The following KANSL1L variants were observed in gnomAD, a reference collection of about 807,000 sequenced individuals.
KANSL1L encodes the protein KAT8 regulatory NSL complex subunit 1 like.
Under a neutral mutation model 108.6 loss-of-function variants are expected in KANSL1L, and 25 were observed. The ratio of observed to expected loss-of-function variants is 0.23; its 90% CI spans 0.17 to 0.32. The LOEUF (loss-of-function observed/expected upper bound fraction) is 0.32. Among genes scored for constraint, KANSL1L ranks in the 10% least tolerant of loss-of-function variants. The pLI is 1.00. For missense variants in KANSL1L, 1,137 were observed against 1,125.7 expected (o/e 1.01, Z -0.14); for synonymous variants, 405 against 395.1 (o/e 1.03, Z -0.30).
chr2:210,026,540 C>T (rs914296739), intron 12 of KANSL1L: 7 of 152,040 alleles, frequency 4.6e-5, no homozygotes, highest in African/African-American at 9.7e-5. Flanking sequence ...CTTTTACGCC[C>T]GAGACTCTAC....
chr2:210,169,328 A>T (rs1342200811), intron 1 of KANSL1L, among the ~76,000 whole-genome samples: 2 of 152,220 alleles, frequency 1.3e-5, no homozygotes, highest in African/African-American at 2.4e-5. Context: ...TTAAAATATG[A>T]TAGTTACATG....
chr2:210,162,312 C>A (rs1412460064), intron 1 of KANSL1L, among the ~76,000 whole-genome samples: 1 of 146,978 alleles, frequency 6.8e-6, no homozygotes, highest in Admixed American at 6.9e-5. Context: ...TTGACAAAGA[C>A]TTAACAGGAA....
intron 6 of KANSL1L, among the ~76,000 whole-genome samples, chr2:210,057,953 G>C (rs2094372254): frequency 6.6e-6 from 1 of 152,162 alleles, no homozygotes; most frequent in Non-Finnish European, 1.5e-5. Context: ...TGTTTGTAGA[G>C]CATGTGTGTT....
chr2:210,073,579 A>G (rs1377919779), intron 6 of KANSL1L, among the ~76,000 whole-genome samples: 2 of 152,048 alleles, frequency 1.3e-5, no homozygotes, highest in African/African-American at 4.8e-5. Context: ...TACATAAGCC[A>G]TGTTTCATGT....
At position 210,104,066 on chromosome 2, in the gene KANSL1L, GTCATTTCATACCACTGATAT is replaced by G. The variant is rs759900915; in HGVS notation, c.1428+18_1428+37del. 2.5e-5 allele frequency: 38 copies of G among 1,491,106 alleles called. No individual in the cohort carries two copies. Among genetic ancestry groups the G allele is most frequent in the Non-Finnish European group, 3.2e-5 (34 of 1,068,864 alleles). The allele number at this position is 1,491,106 out of a possible 1,614,324, so 92.4% of individuals were successfully genotyped here. On this transcript the variant is annotated intron_variant, in intron 4 of 14. Transcript: ENST00000281772. ...GAATAGTTTACAAAATCAATGAAAA[GTCATTTCATACCACTGATAT>G]CCTTACTTTGACTTTACCTGTTTTT...
intron 1 of KANSL1L, among the ~76,000 whole-genome samples, chr2:210,157,654 C>T (rs972010084): frequency 6.8e-6 from 1 of 147,510 alleles, no homozygotes; most frequent in Non-Finnish European, 1.5e-5. Flanking sequence ...TGCACCACTG[C>T]CCTCCAGCCT....
chr2:210,067,953 C>T (rs977848287), intron 6 of KANSL1L, among the ~76,000 whole-genome samples: 13 of 152,080 alleles, frequency 8.5e-5, no homozygotes, highest in Non-Finnish European at 1.6e-4. Context: ...TCTCAGCTCA[C>T]TGCAACCTCC....
chr2:210,131,963 C>T (rs2095125220), intron 2 of KANSL1L, among the ~76,000 whole-genome samples: 2 of 152,132 alleles, frequency 1.3e-5, no homozygotes, highest in Admixed American at 6.5e-5. Context: ...TCCCAAAGTG[C>T]TGGGATTACA....
At chr2:210,135,261 T>C (rs1044859022) in intron 2 of KANSL1L, among the ~76,000 whole-genome samples, 1 of 152,154 alleles carries the variant, frequency 6.6e-6, no homozygotes, top group African/African-American at 2.4e-5. Flanking sequence ...CTTTACCCAA[T>C]GAATGTGACT....
chr2:210,107,324 C>A (rs1239121461), intron 3 of KANSL1L, among the ~76,000 whole-genome samples: 1 of 151,650 alleles, frequency 6.6e-6, no homozygotes, highest in Non-Finnish European at 1.5e-5. Context: ...AAGAGAGAAA[C>A]CATTTGATAT....
Position 210,075,722 on chromosome 2 carries a change from T to C in KANSL1L, c.1585A>G (p.Ser529Gly). The change falls in exon 6 of 15, where the codon AGT becomes GGT. Residue 529 changes from serine (S) to glycine (G), a missense_variant. Physicochemically the swap from Ser to Gly is moderately conservative, Grantham distance 56. Coordinates refer to ENST00000281772, the MANE Select transcript of KANSL1L (RefSeq NM_152519.4). The stretch of plus-strand genomic sequence containing the variant: ...TGCTTCTGGTTAAGTAACCAGCTAC[T>C]GGAGGAAGACAGCTCATCTAAATTC... ...SENLDELSSS[S>G]SWLLNQKHSK... 1.2e-6 allele frequency: 2 copies of C among 1,613,904 alleles called. No individual in the cohort carries two copies. Among genetic ancestry groups the C allele is most frequent in the South Asian group, 1.1e-5 (1 of 91,066 alleles).
chr2:210,169,572 A>C (rs941514973), intron 1 of KANSL1L, among the ~76,000 whole-genome samples: 1 of 152,228 alleles, frequency 6.6e-6, no homozygotes, highest in Non-Finnish European at 1.5e-5. Flanking sequence ...GCAAAGGCGC[A>C]TCATGAAACA....
At chr2:210,105,517 A>C (rs983902996) in intron 3 of KANSL1L, among the ~76,000 whole-genome samples, 2 of 151,522 alleles carry the variant, frequency 1.3e-5, no homozygotes, top group African/African-American at 2.4e-5. Flanking sequence ...TATTTCAAAA[A>C]TGGAATGAAT....
At chr2:210,147,481 C>T (rs967845904) in intron 2 of KANSL1L, among the ~76,000 whole-genome samples, 1 of 152,074 alleles carries the variant, frequency 6.6e-6, no homozygotes, top group African/African-American at 2.4e-5. Flanking sequence ...TAAAATATTT[C>T]TTTACCATTT....
rs71043971 is a variant in KANSL1L, at chr2:210,070,224, CTTTTTTTTTTTT to C, written c.1755+5316_1755+5327del. 5.2e-5 allele frequency among the ~76,000 whole-genome samples: 4 copies of C among 77,566 alleles called. No individual in the cohort carries two copies. The South Asian group carries it at 1.8e-3, about 36-fold the overall frequency. 50.9% of individuals were successfully genotyped at this position (77,566 alleles called of 152,430 possible). ...TGTGTCTCAAATCTCTTTCTCCGTT[CTTTTTTTTTTTT>C]TTTTTTTTTTTTGAGATGGAGTCTC... On this transcript the variant is annotated intron_variant, in intron 6 of 14. Transcript: ENST00000281772.
At chr2:210,119,655 C>T (rs1038453725) in intron 3 of KANSL1L, among the ~76,000 whole-genome samples, 1 of 151,970 alleles carries the variant, frequency 6.6e-6, no homozygotes, top group African/African-American at 2.4e-5. Context: ...TGATAAAAAC[C>T]TTCAATAAAT....
intron 3 of KANSL1L, among the ~76,000 whole-genome samples, chr2:210,107,337 C>A (rs1017969192): frequency 6.6e-6 from 1 of 151,714 alleles, no homozygotes; most frequent in Non-Finnish European, 1.5e-5. Flanking sequence ...TTTGATATAG[C>A]CAGTGTTCTC....
chr2:210,115,846 TGAGA>T (rs1381040607), intron 3 of KANSL1L, among the ~76,000 whole-genome samples: 1 of 152,186 alleles, frequency 6.6e-6, no homozygotes, highest in African/African-American at 2.4e-5. Flanking sequence ...AAAAATAGCA[TGAGA>T]GAGGGGAGGC....
intron 11 of KANSL1L, 79 bp downstream of exon 11, chr2:210,028,766 A>T: frequency 9.4e-7 from 1 of 1,067,302 alleles, no homozygotes; most frequent in Non-Finnish European, 1.3e-6. Context: ...TCCTTTCATT[A>T]ATTAAAATTC....
Sources: gnomAD v4.1 joint callset for allele counts (sites outside exome capture counted in the v4.1 genomes callset) on GRCh38, gnomAD v4.1.1 for gene constraint, MANE v1.5 for transcripts, NCBI Gene and HGNC (gene_info 2026-07-23, HGNC 2026-07-21) for gene names.